Variants in VPS53 observed in about 807,000 individuals in gnomAD.
VPS53 encodes VPS53 subunit of GARP complex, also known as vacuolar protein sorting-associated protein 53 homolog.
A neutral mutation model predicts 107.0 loss-of-function variants in VPS53; 70 were observed. The ratio of observed to expected loss-of-function variants is 0.65; its 90% CI spans 0.54 to 0.80. VPS53 has a LOEUF of 0.80. Ranked by LOEUF, VPS53 falls within the 30% of genes least tolerant of loss-of-function variation. The probability of loss-of-function intolerance (pLI) is 0.00; values close to 1 mark genes in which losing one functional copy is unlikely to be tolerated. For missense variants in VPS53, 917 were observed against 1,049.4 expected (o/e 0.87, Z 1.74); for synonymous variants, 409 against 393.3 (o/e 1.04, Z -0.47).
intron 4 of VPS53, among the ~76,000 whole-genome samples, chr17:670,098 T>G (rs1321518813): frequency 1.3e-5 from 2 of 152,270 alleles, no homozygotes; most frequent in East Asian, 3.9e-4. Flanking sequence ...GTGGCCCTTT[T>G]TAGGACTCAA....
chr17:593,104 A>T (rs1418537400), intron 12 of VPS53, among the ~76,000 whole-genome samples: 1 of 152,194 alleles, frequency 6.6e-6, no homozygotes, highest in African/African-American at 2.4e-5. Context: ...CTGGCTAGCC[A>T]TATGTAGAAA....
At chr17:620,881 T>C (rs1293784395) in intron 11 of VPS53, among the ~76,000 whole-genome samples, 1 of 151,986 alleles carries the variant, frequency 6.6e-6, no homozygotes, top group Non-Finnish European at 1.5e-5. Context: ...GTGCTGGGAT[T>C]ATAGGCATGA....
intron 2 of VPS53, among the ~76,000 whole-genome samples, chr17:704,001 A>T (rs1218467644): frequency 3.4e-4 from 51 of 151,946 alleles, no homozygotes; most frequent in Admixed American, 3.3e-3. Flanking sequence ...TTTTTCTCTT[A>T]ACAATACAGA....
rs1336055026 is a variant in VPS53 at position 601,885 on chromosome 17, C to T, written c.1128G>A (p.Glu376=). 1.9e-6 allele frequency: 3 copies of T among 1,587,630 alleles called. No individual in the cohort carries two copies. The highest frequency in any genetic ancestry group is 1.7e-6 in the Non-Finnish European group (2 of 1,166,732). Residue 376 remains glutamate, a synonymous_variant, in exon 12 of 22, where the codon GAG becomes GAA. Transcript: ENST00000437048. The stretch of plus-strand genomic sequence containing the variant: ...AGGGATTGGTAGATGGGGGTGGAGA[C>T]TCAAGCTTTTTCTGTTAGGTAGATA... ...TLTDGTLKKL[E]SPPPSTNPFL...
chr17:676,716 C>T (rs1366901767), intron 4 of VPS53, among the ~76,000 whole-genome samples: 2 of 152,030 alleles, frequency 1.3e-5, no homozygotes, highest in Non-Finnish European at 2.9e-5. Context: ...TCTTTCTTGG[C>T]GCAGTATTTT....
chr17:514,470 G>A lies in VPS53; in HGVS notation c.*4658C>T, dbSNP rs1041054467. ...TAGCCAAGGAATCCCATTTCCAGCA[G>A]GTTATTCTGAGTGCTCTTCCTAGCC... On this transcript the variant is annotated 3_prime_UTR_variant, in exon 22 of 22. Coordinates refer to ENST00000437048, the MANE Select transcript of VPS53 (RefSeq NM_001128159.3). The A allele has an allele frequency of 6.8e-6, 1 of 147,940 alleles. No homozygotes were observed. The highest frequency in any genetic ancestry group is 1.5e-5 in the Non-Finnish European group (1 of 67,296). The allele number at this position is 147,940 out of a possible 1,614,324, so 9.2% of individuals were successfully genotyped here.
chr17:638,763 T>TAGAG (rs1369215572), intron 7 of VPS53, among the ~76,000 whole-genome samples: 2 of 152,278 alleles, frequency 1.3e-5, no homozygotes, highest in African/African-American at 4.8e-5. Context: ...TTCTGGCTTA[T>TAGAG]AGAGTTTCTG....
chr17:652,384 T>G (rs1241311537), intron 7 of VPS53, among the ~76,000 whole-genome samples: 1 of 152,178 alleles, frequency 6.6e-6, no homozygotes, highest in East Asian at 1.9e-4. Context: ...ATTCCTCCCG[T>G]TAGTGGGTGG....
At chr17:618,300 GCCACCACGCC>G in intron 11 of VPS53, among the ~76,000 whole-genome samples, 1 of 74,964 alleles carries the variant, frequency 1.3e-5, no homozygotes, top group Non-Finnish European at 3.0e-5. Context: ...ACAGGCGTGC[GCCACCACGCC>G]CCACTAATAT....
chr17:712,079 G>T (rs1973662726), intron 1 of VPS53, among the ~76,000 whole-genome samples: 1 of 151,424 alleles, frequency 6.6e-6, no homozygotes, highest in Non-Finnish European at 1.5e-5. Flanking sequence ...GCCTCCCAAA[G>T]TGCTGGGATT....
intron 13 of VPS53, among the ~76,000 whole-genome samples, chr17:566,568 G>C (rs1251990653): frequency 2.0e-5 from 3 of 152,116 alleles, no homozygotes; most frequent in Non-Finnish European, 4.4e-5. Flanking sequence ...GATGGGAATG[G>C]AGGGTGGGAA....
At chr17:564,593 C>T (rs1263806423) in intron 13 of VPS53, among the ~76,000 whole-genome samples, 3 of 150,936 alleles carry the variant, frequency 2.0e-5, no homozygotes, top group Admixed American at 1.3e-4. Flanking sequence ...TGCCTGTAAT[C>T]CCAGCTACTT....
At chr17:557,296 G>A (rs1353940741) in intron 15 of VPS53, among the ~76,000 whole-genome samples, 3 of 152,086 alleles carry the variant, frequency 2.0e-5, no homozygotes, top group Non-Finnish European at 4.4e-5. Flanking sequence ...CTGTATCTCT[G>A]TGTGTTCAAT....
chr17:631,819 C>G (rs1283139028), intron 7 of VPS53, among the ~76,000 whole-genome samples, 191 bp from the exon 8 acceptor site: 1 of 151,966 alleles, frequency 6.6e-6, no homozygotes, highest in Non-Finnish European at 1.5e-5. Flanking sequence ...CCAAGATATT[C>G]TCAGGGTGAA....
At chr17:614,281 T>A (rs4968057) in intron 11 of VPS53, among the ~76,000 whole-genome samples, 52,870 of 152,064 alleles carry the variant, frequency 0.35, 11,008 homozygotes, top group Non-Finnish European at 0.47. Flanking sequence ...TGACATGAGT[T>A]ATATCTCAAT....
At chr17:586,856 A>C (rs1967345738) in intron 12 of VPS53, among the ~76,000 whole-genome samples, 2 of 152,178 alleles carry the variant, frequency 1.3e-5, no homozygotes, top group South Asian at 2.1e-4. Flanking sequence ...AACCTGCCCC[A>C]ACACATATGT....
In VPS53 at chr17:517,672, A is replaced by G. The variant is rs1189933361; in HGVS notation, c.*1456T>C. 1 of 364,260 alleles carries G rather than the reference A, an allele frequency of 2.7e-6. No homozygotes were observed. Among genetic ancestry groups the G allele is most frequent in the Non-Finnish European group, 4.9e-6 (1 of 205,190 alleles). 22.6% of individuals were successfully genotyped at this position (364,260 alleles called of 1,614,324 possible). On this transcript the variant is annotated 3_prime_UTR_variant, in exon 22 of 22. Transcript: ENST00000437048. Reference sequence around the variant, plus strand: ...GTAGCTGGGATTACAGGCACTCGCCATGACACCCGGCTAATTTTTTTTATT... The same window carrying G: ...GTAGCTGGGATTACAGGCACTCGCCGTGACACCCGGCTAATTTTTTTTATT...
chr17:526,306 A>G (rs1909128304), intron 19 of VPS53, among the ~76,000 whole-genome samples: 2 of 152,360 alleles, frequency 1.3e-5, no homozygotes, highest in Admixed American at 6.5e-5. Flanking sequence ...CATTATATGC[A>G]TAAATAATTG....
chr17:606,649 G>C (rs1968595775), intron 11 of VPS53, among the ~76,000 whole-genome samples: 1 of 152,156 alleles, frequency 6.6e-6, no homozygotes, highest in South Asian at 2.1e-4. Context: ...CACAGTCCAT[G>C]GCCTGTTAGC....
Sources: gnomAD v4.1 joint callset for allele counts (sites outside exome capture counted in the v4.1 genomes callset) on GRCh38, gnomAD v4.1.1 for gene constraint, MANE v1.5 for transcripts, NCBI Gene and HGNC (gene_info 2026-07-23, HGNC 2026-07-21) for gene names.